Variants in BMPR1B observed in about 807,000 individuals in gnomAD.
BMPR1B encodes the protein bone morphogenetic protein receptor type 1B.
BMPR1B carries 12 observed loss-of-function variants against 59.1 expected under a neutral mutation model. That is an observed-to-expected ratio of 0.20 (90% CI 0.13 to 0.33). BMPR1B has a LOEUF of 0.33. Among genes scored for constraint, BMPR1B ranks in the 10% least tolerant of loss-of-function variants. The pLI is 1.00. For missense variants in BMPR1B, 550 were observed against 610.9 expected (o/e 0.90, Z 1.05); for synonymous variants, 237 against 207.3 (o/e 1.14, Z -1.23).
intron 2 of BMPR1B, among the ~76,000 whole-genome samples, chr4:94,924,928 A>G (rs1195144588): frequency 1.3e-5 from 2 of 152,194 alleles, no homozygotes; most frequent in African/African-American, 2.4e-5. Flanking sequence ...TTTGGCTGCT[A>G]CATCAAAGCC....
At chr4:94,818,706 T>G (rs1250177003) in intron 1 of BMPR1B, among the ~76,000 whole-genome samples, 1 of 152,228 alleles carries the variant, frequency 6.6e-6, no homozygotes, top group Admixed American at 6.5e-5. Context: ...TCCCATGTAA[T>G]TACTTATAAT....
chr4:95,096,470 T>A (rs28669077), intron 3 of BMPR1B, among the ~76,000 whole-genome samples: 2,333 of 151,310 alleles, frequency 0.015, 26 homozygotes, highest in Middle Eastern at 0.051. Flanking sequence ...AAAGAAATAT[T>A]CTTAATATTC....
intron 3 of BMPR1B, among the ~76,000 whole-genome samples, chr4:95,031,225 A>G (rs1232421678): frequency 6.6e-6 from 1 of 152,124 alleles, no homozygotes; most frequent in Non-Finnish European, 1.5e-5. Context: ...TAATCTACAT[A>G]TATTCTCCTA....
At chr4:94,787,843 C>G (rs1348322902) in intron 1 of BMPR1B, among the ~76,000 whole-genome samples, 1 of 152,044 alleles carries the variant, frequency 6.6e-6, no homozygotes, top group Non-Finnish European at 1.5e-5. Context: ...ACCAAGGGAC[C>G]TATTTTATAC....
chr4:94,927,097 T>TC (rs1263244147), intron 2 of BMPR1B, among the ~76,000 whole-genome samples: 1 of 152,154 alleles, frequency 6.6e-6, no homozygotes, highest in Non-Finnish European at 1.5e-5. Context: ...CTAGTGCAAG[T>TC]CACAGGCTTG....
At chr4:94,864,752 A>G (rs1331571792) in intron 1 of BMPR1B, among the ~76,000 whole-genome samples, 1 of 152,156 alleles carries the variant, frequency 6.6e-6, no homozygotes, top group East Asian at 1.9e-4. Flanking sequence ...GTTATACTAT[A>G]TTGCTTAGGG....
chr4:95,141,555 G>T (rs141204182), intron 10 of BMPR1B, among the ~76,000 whole-genome samples: 1 of 152,122 alleles, frequency 6.6e-6, no homozygotes, highest in Admixed American at 6.5e-5. Context: ...TGACAGTGAC[G>T]TAAGTGCCGA....
chr4:95,125,950 C>T (rs1479621364), intron 8 of BMPR1B, among the ~76,000 whole-genome samples: 3 of 152,158 alleles, frequency 2.0e-5, no homozygotes. Flanking sequence ...TGGGCTCTAG[C>T]ATCACCTTTG....
chr4:94,832,939 G>C (rs1182523847), intron 1 of BMPR1B, among the ~76,000 whole-genome samples: 2 of 151,968 alleles, frequency 1.3e-5, no homozygotes, highest in African/African-American at 4.8e-5. Flanking sequence ...GGCCGGGAAC[G>C]GTGGCCCATG....
chr4:95,013,267 A>C (rs375245897), intron 3 of BMPR1B, among the ~76,000 whole-genome samples: 7 of 152,122 alleles, frequency 4.6e-5, no homozygotes, highest in African/African-American at 1.7e-4. Flanking sequence ...TTAATTTTTT[A>C]GTTTGAGCCC....
At chr4:94,894,529 T>C (rs944002341) in intron 2 of BMPR1B, among the ~76,000 whole-genome samples, 2 of 152,010 alleles carry the variant, frequency 1.3e-5, no homozygotes, top group South Asian at 2.1e-4. Flanking sequence ...TGTTGTGATA[T>C]CTGATCTTGG....
intron 2 of BMPR1B, among the ~76,000 whole-genome samples, chr4:94,898,146 C>G (rs1269012129): frequency 6.6e-6 from 1 of 151,640 alleles, no homozygotes; most frequent in Non-Finnish European, 1.5e-5. Flanking sequence ...AGATGGGAGT[C>G]TCACTATGTT....
intron 2 of BMPR1B, among the ~76,000 whole-genome samples, chr4:94,972,418 C>T (rs2149078180): frequency 6.6e-6 from 1 of 152,206 alleles, no homozygotes; most frequent in East Asian, 1.9e-4. Flanking sequence ...TTACTTGATA[C>T]AACCACAGAT....
intron 1 of BMPR1B, among the ~76,000 whole-genome samples, chr4:94,799,591 T>C (rs1723326375): frequency 6.6e-6 from 1 of 151,972 alleles, no homozygotes; most frequent in Non-Finnish European, 1.5e-5. Context: ...CATGAGCCAC[T>C]GCGCCCAGCC....
intron 2 of BMPR1B, among the ~76,000 whole-genome samples, chr4:94,931,075 AC>A (rs1263768004): frequency 6.6e-6 from 1 of 152,104 alleles, no homozygotes; most frequent in Non-Finnish European, 1.5e-5. Flanking sequence ...AACAGTTTCT[AC>A]TATTGAATAG....
At chr4:95,001,832 G>GT in intron 3 of BMPR1B, among the ~76,000 whole-genome samples, 1 of 152,220 alleles carries the variant, frequency 6.6e-6, no homozygotes, top group Non-Finnish European at 1.5e-5. Flanking sequence ...TTATATTCTA[G>GT]TAAGTTTTTG....
At chr4:94,946,377 G>A (rs1729709817) in intron 2 of BMPR1B, among the ~76,000 whole-genome samples, 1 of 152,108 alleles carries the variant, frequency 6.6e-6, no homozygotes, top group South Asian at 2.1e-4. Context: ...AAGGAATAGT[G>A]GCTCTAAGCT....
intron 3 of BMPR1B, among the ~76,000 whole-genome samples, chr4:95,098,017 T>A (rs563609644): frequency 3.9e-5 from 6 of 152,270 alleles, no homozygotes; most frequent in African/African-American, 1.4e-4. Flanking sequence ...AATAAATATT[T>A]ATATGAGTCA....
intron 2 of BMPR1B, among the ~76,000 whole-genome samples, chr4:94,890,216 A>G (rs927972553): frequency 1.5e-4 from 23 of 152,202 alleles, no homozygotes; most frequent in African/African-American, 5.3e-4. Context: ...CTGAGAAGTG[A>G]CACATGCAAA....
Sources: allele counts gnomAD v4.1 joint callset (sites outside exome capture counted in the v4.1 genomes callset), GRCh38; gene constraint gnomAD v4.1.1; transcripts MANE v1.5; gene names NCBI Gene and HGNC (gene_info 2026-07-23, HGNC 2026-07-21).